SLC41A3: variants seen among roughly 807,000 people sequenced by gnomAD.
SLC41A3 encodes the protein SLC41A1-like 2.
SLC41A3 carries 44 observed loss-of-function variants against 45.4 expected under a neutral mutation model. The ratio of observed to expected loss-of-function variants is 0.97; its 90% CI spans 0.76 to 1.25. The LOEUF (loss-of-function observed/expected upper bound fraction) is 1.25, where lower values mean the gene tolerates loss of function less well. SLC41A3 is among the 50% of genes most tolerant of loss of function. SLC41A3 has a pLI of 0.00. For synonymous variants in SLC41A3, 256 were observed against 252.4 expected (o/e 1.01, Z -0.13); for missense variants, 550 against 600.6 (o/e 0.92, Z 0.88).
intron 6 of SLC41A3, among the ~76,000 whole-genome samples, chr3:126,020,902 TTTC>T (rs1265680863): frequency 6.6e-6 from 1 of 151,966 alleles, no homozygotes; most frequent in Admixed American, 6.5e-5. Context: ...AGTTTTTTTT[TTTC>T]TTTTTTTTTG....
chr3:126,052,619 C>T (rs1943405299), intron 2 of SLC41A3, among the ~76,000 whole-genome samples: 1 of 152,120 alleles, frequency 6.6e-6, no homozygotes. Context: ...ATGGGTAAGC[C>T]CCATCTGCTG....
intron 1 of SLC41A3, among the ~76,000 whole-genome samples, chr3:126,078,728 T>C (rs1197013717): frequency 6.6e-6 from 1 of 152,112 alleles, no homozygotes; most frequent in African/African-American, 2.4e-5. Flanking sequence ...GAAAGGCCAG[T>C]GTCTCCCCTA....
At chr3:126,031,320 C>T (rs1386659721) in intron 4 of SLC41A3, among the ~76,000 whole-genome samples, 1 of 151,492 alleles carries the variant, frequency 6.6e-6, no homozygotes, top group African/African-American at 2.4e-5. Flanking sequence ...CTGTTCATAC[C>T]CTTTGAACTT....
intron 1 of SLC41A3, among the ~76,000 whole-genome samples, chr3:126,090,838 A>G (rs1049613158): frequency 5.3e-5 from 8 of 152,178 alleles, no homozygotes; most frequent in Non-Finnish European, 8.8e-5. Flanking sequence ...ATTTTGAGGG[A>G]TAAAATTAAG....
chr3:126,065,301 T>C (rs1944292629), intron 2 of SLC41A3, among the ~76,000 whole-genome samples: 1 of 152,256 alleles, frequency 6.6e-6, no homozygotes, highest in Admixed American at 6.5e-5. Flanking sequence ...CGTGCTGTTT[T>C]AAGCTGTTAA....
intron 2 of SLC41A3, chr3:126,056,218 C>T (rs78137633): frequency 0.096 from 99,159 of 1,033,718 alleles, 5,634 homozygotes; most frequent in Middle Eastern, 0.14. Flanking sequence ...ACACCCGGGA[C>T]GCCCAAGCAG....
At position 126,056,237 on chromosome 3, in the gene SLC41A3, G is replaced by A. The variant is rs1358816886; in HGVS notation, c.274-5187C>T. 3.1e-6 allele frequency: 4 copies of A among 1,305,738 alleles called. 1 individual carries two copies. The highest frequency in any genetic ancestry group is 4.2e-6 in the Non-Finnish European group (4 of 946,222). The allele number at this position is 1,305,738 out of a possible 1,614,324, so 80.9% of individuals were successfully genotyped here. A position where few individuals can be genotyped will look rare whatever the true frequency, so the allele number is the denominator to read the frequency against. On this transcript the variant is annotated intron_variant, in intron 2 of 10. Coordinates refer to ENST00000360370, the MANE Select transcript of SLC41A3 (RefSeq NM_017836.4). ...CCGGGACGCCCAAGCAGCAAGGGCA[G>A]GTTGAGGGCTGCCCTCCCACTGTAG... is the stretch of plus-strand genomic sequence containing the variant.
At chr3:126,097,526 T>A (rs1209482138) in intron 1 of SLC41A3, among the ~76,000 whole-genome samples, 3 of 152,164 alleles carry the variant, frequency 2.0e-5, no homozygotes, top group Non-Finnish European at 4.4e-5. Context: ...ACACATTCAA[T>A]TGGTTGGGAG....
chr3:126,063,093 G>A (rs781502985), intron 2 of SLC41A3, among the ~76,000 whole-genome samples: 4 of 152,154 alleles, frequency 2.6e-5, no homozygotes, highest in South Asian at 2.1e-4. Context: ...GGAAGCATAG[G>A]TTCTCACAGA....
Position 126,026,535 on chromosome 3 carries a change from C to T in SLC41A3, c.454-56G>A, listed in dbSNP as rs1941368090. On this transcript the variant is annotated intron_variant, in intron 4 of 10. Coordinates refer to ENST00000360370, the MANE Select transcript of SLC41A3 (RefSeq NM_017836.4). The surrounding 1 kb of genome is among the most constrained non-coding windows in gnomAD (Gnocchi z 4.2). The stretch of plus-strand genomic sequence containing the variant: ...GGGCCCCGGGGCCACAGCCACACTC[C>T]CTGCCCTTCACACCTCACTCACCGC... 7.0e-6 allele frequency: 11 copies of T among 1,572,326 alleles called. No homozygotes were observed. The South Asian group carries it at 8.2e-5, about 12-fold the overall frequency.
chr3:126,098,925 C>CTTTTTTTTTTTTTTTTTTT (rs57262035), intron 1 of SLC41A3, among the ~76,000 whole-genome samples: 4 of 109,666 alleles, frequency 3.6e-5, no homozygotes, highest in African/African-American at 3.9e-5. Context: ...CATGACCTGG[C>CTTTTTTTTTTTTTTTTTTT]TTTTTTTTTT....
At chr3:126,019,463 A>T (rs1441786141) in intron 6 of SLC41A3, among the ~76,000 whole-genome samples, 3 of 152,136 alleles carry the variant, frequency 2.0e-5, no homozygotes, top group Non-Finnish European at 4.4e-5. Context: ...AAATACATTC[A>T]TTCCATCCCC....
chr3:126,031,988 G>A (rs1941829774), intron 4 of SLC41A3, among the ~76,000 whole-genome samples: 1 of 152,262 alleles, frequency 6.6e-6, no homozygotes. Flanking sequence ...AGGCACCAAA[G>A]ACGTAAAAGG....
At chr3:126,056,419 A>G (rs774967480) in intron 2 of SLC41A3, 3 of 1,614,234 alleles carry the variant, frequency 1.9e-6, no homozygotes, top group Non-Finnish European at 2.5e-6. Context: ...CAGAATGGGC[A>G]CCACGACCTG....
chr3:126,066,559 T>A (rs1944354466), intron 2 of SLC41A3, among the ~76,000 whole-genome samples: 1 of 152,184 alleles, frequency 6.6e-6, no homozygotes, highest in Admixed American at 6.5e-5. Context: ...AAACCTGTGT[T>A]GATGAGTGTT....
intron 3 of SLC41A3, among the ~76,000 whole-genome samples, chr3:126,037,585 G>A (rs1258223852): frequency 6.6e-6 from 1 of 152,156 alleles, no homozygotes; most frequent in Non-Finnish European, 1.5e-5. Flanking sequence ...TCAGGCAGGA[G>A]AAATTTCTAA....
At chr3:126,077,124 T>C (rs1559887974) in intron 1 of SLC41A3, among the ~76,000 whole-genome samples, 1 of 152,192 alleles carries the variant, frequency 6.6e-6, no homozygotes, top group East Asian at 1.9e-4. Context: ...ATGCCTGTAA[T>C]ACCAGCACTT....
chr3:126,048,817 C>A (rs1943133914), intron 3 of SLC41A3, among the ~76,000 whole-genome samples: 1 of 152,100 alleles, frequency 6.6e-6, no homozygotes, highest in African/African-American at 2.4e-5. Flanking sequence ...TGTGTCTCAA[C>A]TAGGGTCACA....
chr3:126,013,992 G>A (rs966357769), intron 8 of SLC41A3, among the ~76,000 whole-genome samples: 19 of 152,160 alleles, frequency 1.2e-4, no homozygotes, highest in African/African-American at 4.3e-4. Context: ...AAGGTTTCAA[G>A]CTCTGCCCGG....
Sources: allele counts gnomAD v4.1 joint callset (sites outside exome capture counted in the v4.1 genomes callset), GRCh38; gene constraint gnomAD v4.1.1; non-coding constraint Gnocchi (gnomAD v3.1); transcripts MANE v1.5; gene names NCBI Gene and HGNC (gene_info 2026-07-23, HGNC 2026-07-21).